The following MKLN1 variants were observed in gnomAD, a reference collection of about 807,000 sequenced individuals.
The protein encoded by MKLN1 is muskelin.
In MKLN1, 18 loss-of-function variants were observed where a neutral mutation model predicts 99.0. That is an observed-to-expected ratio of 0.18 (90% confidence interval 0.13 to 0.27). The LOEUF is 0.27. MKLN1 is among the 10% of genes least tolerant of loss of function. MKLN1 has a pLI of 1.00. For synonymous variants in MKLN1, 288 were observed against 293.2 expected (o/e 0.98, Z 0.18); for missense variants, 621 against 875.9 (o/e 0.71, Z 3.67).
rs551981743 is a variant in MKLN1, at chr7:131,491,428, T to G, written c.*3700T>G. The G allele has an allele frequency of 6.6e-6, 1 of 152,258 alleles. No homozygotes were observed. Among genetic ancestry groups the G allele is most frequent in the East Asian group, 1.9e-4 (1 of 5,184 alleles). The allele number at this position is 152,258 out of a possible 1,614,324, so 9.4% of individuals were successfully genotyped here. ...TCTACATATGATAGTACTTACAGATTAGGTCTTTGGATGCTTTAACACAAA... is the reference window on the plus strand; with the variant it reads ...TCTACATATGATAGTACTTACAGATGAGGTCTTTGGATGCTTTAACACAAA... On this transcript the variant is annotated 3_prime_UTR_variant, in exon 18 of 18. Transcript: ENST00000352689.
intron 2 of MKLN1, among the ~76,000 whole-genome samples, chr7:131,177,231 AGG>A (rs1796311695): frequency 6.6e-6 from 1 of 152,124 alleles, no homozygotes; most frequent in Non-Finnish European, 1.5e-5. Flanking sequence ...GCACTTTGGG[AGG>A]TCAAGGAGGG....
At chr7:131,477,674 T>A (rs1797005890) in intron 16 of MKLN1, among the ~76,000 whole-genome samples, 1 of 152,212 alleles carries the variant, frequency 6.6e-6, no homozygotes, top group South Asian at 2.1e-4. Context: ...ATGGAATATT[T>A]GTACAATTTC....
chr7:131,440,839 A>G (rs1293659760), intron 10 of MKLN1, among the ~76,000 whole-genome samples: 1 of 152,194 alleles, frequency 6.6e-6, no homozygotes, highest in African/African-American at 2.4e-5. Context: ...TCAAATGGGC[A>G]TACTATATTC....
At chr7:131,188,770 CACAA>C (rs1023065817) in intron 2 of MKLN1, among the ~76,000 whole-genome samples, 79 of 152,122 alleles carry the variant, frequency 5.2e-4, no homozygotes, top group African/African-American at 1.4e-3. Context: ...TGTTTGAAAT[CACAA>C]ACAATCAATC....
rs146718170 is a variant in MKLN1, at chr7:131,494,996, G to A, written c.*7268G>A. ...ATCTTGCTCCCACTCCAAAAGCTATGTACAGTTGAGTTATTAGCCTCAGAG... is the reference window on the plus strand; with the variant it reads ...ATCTTGCTCCCACTCCAAAAGCTATATACAGTTGAGTTATTAGCCTCAGAG... On this transcript the variant is annotated 3_prime_UTR_variant, in exon 18 of 18. Transcript: ENST00000352689. 51 of 152,244 alleles carry A rather than the reference G, an allele frequency of 3.3e-4. 1 individual carries two copies. The East Asian group carries it at 8.7e-3, about 26-fold the overall frequency. The allele number at this position is 152,244 out of a possible 1,614,324, so 9.4% of individuals were successfully genotyped here.
At chr7:131,418,421 T>G (rs1486127015) in intron 8 of MKLN1, among the ~76,000 whole-genome samples, 1 of 151,736 alleles carries the variant, frequency 6.6e-6, no homozygotes, top group Non-Finnish European at 1.5e-5. Flanking sequence ...GTTCAATCTT[T>G]TGGCTTCCCT....
At chr7:131,300,656 C>T (rs150068353) in intron 3 of MKLN1, among the ~76,000 whole-genome samples, 3 of 138,516 alleles carry the variant, frequency 2.2e-5, no homozygotes, top group African/African-American at 8.0e-5. Context: ...CACTGCACTC[C>T]AGTGTGAGGT....
At chr7:131,390,903 G>A (rs1234659160) in intron 4 of MKLN1, among the ~76,000 whole-genome samples, 4 of 152,044 alleles carry the variant, frequency 2.6e-5, no homozygotes, top group African/African-American at 9.7e-5. Flanking sequence ...TAGGCAAAAT[G>A]TTAATTGGAG....
intron 1 of MKLN1, among the ~76,000 whole-genome samples, chr7:131,353,650 CTTTTATACA>C (rs1326814307): frequency 6.6e-6 from 1 of 151,812 alleles, no homozygotes; most frequent in African/African-American, 2.4e-5. Flanking sequence ...TCAATTTTTC[CTTTTATACA>C]TTTTGCTTTT....
intron 3 of MKLN1, among the ~76,000 whole-genome samples, chr7:131,215,375 T>C (rs910057913): frequency 2.6e-5 from 4 of 152,196 alleles, no homozygotes; most frequent in African/African-American, 9.7e-5. Flanking sequence ...AGACAGGGTC[T>C]CAGGCTATTG....
intron 2 of MKLN1, among the ~76,000 whole-genome samples, chr7:131,157,836 T>G (rs912756272): frequency 2.0e-5 from 3 of 152,146 alleles, no homozygotes; most frequent in Admixed American, 6.5e-5. Flanking sequence ...CCAAATTAGT[T>G]GGGATACATT....
intron 3 of MKLN1, among the ~76,000 whole-genome samples, chr7:131,316,358 G>A (rs879423079): frequency 3.9e-5 from 6 of 152,226 alleles, no homozygotes; most frequent in Admixed American, 2.0e-4. Flanking sequence ...TTGCAGAAGA[G>A]GGGCCTGACT....
intron 2 of MKLN1, among the ~76,000 whole-genome samples, chr7:131,381,971 T>G (rs1793862841): frequency 6.6e-6 from 1 of 152,260 alleles, no homozygotes; most frequent in Non-Finnish European, 1.5e-5. Context: ...CTACTTGATT[T>G]CTGTTGTATG....
intron 1 of MKLN1, among the ~76,000 whole-genome samples, chr7:131,335,631 GTTCA>G (rs1334488581): frequency 6.7e-6 from 1 of 149,980 alleles, no homozygotes; most frequent in African/African-American, 2.4e-5. Context: ...TATGTTACAT[GTTCA>G]TTATCATTTA....
At chr7:131,209,855 C>G (rs13224924) in intron 3 of MKLN1, among the ~76,000 whole-genome samples, 24 of 151,908 alleles carry the variant, frequency 1.6e-4, no homozygotes, top group African/African-American at 5.3e-4. Context: ...GGAATACCAT[C>G]GCAATAGTTG....
chr7:131,274,230 T>C (rs1584882965), intron 3 of MKLN1, among the ~76,000 whole-genome samples: 2 of 152,312 alleles, frequency 1.3e-5, no homozygotes, highest in South Asian at 2.1e-4. Flanking sequence ...AATAGATTCC[T>C]TGATGATTTT....
intron 10 of MKLN1, among the ~76,000 whole-genome samples, chr7:131,438,313 T>G (rs1795732092): frequency 6.6e-6 from 1 of 151,862 alleles, no homozygotes; most frequent in South Asian, 2.1e-4. Flanking sequence ...CAATAACAAC[T>G]TACCCTTTTA....
At position 131,444,152 on chromosome 7, in the gene MKLN1, C is replaced by T. The variant is rs113246061; in HGVS notation, c.1395+450C>T. Among the ~76,000 whole-genome samples the T allele has an allele frequency of 3.5e-3, 531 of 152,076 alleles. 2 individuals carry two copies. The highest frequency in any genetic ancestry group is 0.012 in the African/African-American group (505 of 41,534). On this transcript the variant is annotated intron_variant, in intron 11 of 17. Transcript: ENST00000352689. ...ATCACTTGATTCCAGAAGTTTGAGA[C>T]GAGCCTGGCCAACATGGCGAAACCC...
intron 16 of MKLN1, among the ~76,000 whole-genome samples, chr7:131,476,375 A>G (rs1796968031): frequency 6.6e-6 from 1 of 152,170 alleles, no homozygotes; most frequent in African/African-American, 2.4e-5. Flanking sequence ...TGTAGGTAAC[A>G]TGATTATGTA....
Sources: gnomAD v4.1 joint callset for allele counts (sites outside exome capture counted in the v4.1 genomes callset) on GRCh38, gnomAD v4.1.1 for gene constraint, MANE v1.5 for transcripts, NCBI Gene and HGNC (gene_info 2026-07-23, HGNC 2026-07-21) for gene names.